Variants in ABCC1 observed in about 807,000 individuals in gnomAD.
ABCC1 encodes ATP binding cassette subfamily C member 1 (ABCC1 blood group).
In ABCC1, 83 loss-of-function variants were observed where a neutral mutation model predicts 172.9. That is an observed-to-expected ratio of 0.48 (90% CI 0.40 to 0.58). The LOEUF (loss-of-function observed/expected upper bound fraction) is 0.58, where lower values mean the gene tolerates loss of function less well. Ranked by LOEUF, ABCC1 falls within the 20% of genes least tolerant of loss-of-function variation. The pLI is 0.00. For missense variants in ABCC1, 1,817 were observed against 2,002.7 expected (o/e 0.91, Z 1.77); for synonymous variants, 937 against 825.2 (o/e 1.14, Z -2.32).
chr16:16,019,197 G>A (rs1346559945), intron 5 of ABCC1, among the ~76,000 whole-genome samples: 2 of 151,990 alleles, frequency 1.3e-5, no homozygotes, highest in South Asian at 2.1e-4. Flanking sequence ...CCCGCCTCCT[G>A]GGTTCAAGCG....
intron 26 of ABCC1, 133 bp from the exon 27 acceptor site, chr16:16,131,655 AG>A (rs915685931): frequency 3.2e-6 from 3 of 933,352 alleles, no homozygotes; most frequent in Non-Finnish European, 4.7e-6. Context: ...CATTCCAGGA[AG>A]GGCAACCCCC....
intron 7 of ABCC1, among the ~76,000 whole-genome samples, chr16:16,040,951 A>G (rs2048955384): frequency 6.6e-6 from 1 of 151,926 alleles, no homozygotes; most frequent in South Asian, 2.1e-4. Flanking sequence ...TTTTTGAGAC[A>G]GGGTGTCACT....
intron 21 of ABCC1, among the ~76,000 whole-genome samples, chr16:16,108,700 A>G (rs1404343482): frequency 4.0e-5 from 6 of 150,110 alleles, no homozygotes; most frequent in African/African-American, 1.5e-4. Context: ...GATTCAAGTG[A>G]TTCTCCCACC....
chr16:16,081,223 G>T (rs182357321), intron 16 of ABCC1, among the ~76,000 whole-genome samples: 13 of 152,294 alleles, frequency 8.5e-5, no homozygotes, highest in African/African-American at 3.1e-4. Context: ...ATTATACAGT[G>T]CCTTTAGAAA....
In ABCC1 at chr16:16,142,327, T is replaced by G. The variant is rs1314715273; in HGVS notation, c.*1046T>G. On this transcript the variant is annotated 3_prime_UTR_variant, in exon 31 of 31. Transcript: ENST00000399410. ...TTGGTTGCTTACAGTGTTGATTGATTTTGTTCTTTTTTCTTACCACCTCTT... is the reference window on the plus strand; with the variant it reads ...TTGGTTGCTTACAGTGTTGATTGATGTTGTTCTTTTTTCTTACCACCTCTT... 6.6e-6 allele frequency: 1 copy of G among 152,166 alleles called. No individual in the cohort carries two copies. The allele number at this position is 152,166 out of a possible 1,614,324, so 9.4% of individuals were successfully genotyped here.
Position 16,079,253 on chromosome 16 carries a change from C to G in ABCC1, c.1989-99C>G, listed in dbSNP as rs1418088017. The stretch of plus-strand genomic sequence containing the variant: ...GTACAGTCTTGCCTTCTGTCTTTCT[C>G]TTTCTCTACTTGGGGTAAATTGAGG... On this transcript the variant is annotated intron_variant, in intron 15 of 30. Transcript: ENST00000399410. 15 of 1,534,708 alleles carry G rather than the reference C, an allele frequency of 9.8e-6. No individual in the cohort carries two copies. In the East Asian group the frequency reaches 3.2e-4, roughly 32 times the overall value.
chr16:16,080,219 C>CT (rs1567380936), intron 16 of ABCC1, among the ~76,000 whole-genome samples: 1 of 151,982 alleles, frequency 6.6e-6, no homozygotes, highest in African/African-American at 2.4e-5. Context: ...CTGTTTGGGT[C>CT]TTTTTGGATT....
chr16:15,965,161 G>A (rs962528725), intron 1 of ABCC1, among the ~76,000 whole-genome samples: 1 of 152,096 alleles, frequency 6.6e-6, no homozygotes, highest in African/African-American at 2.4e-5. Context: ...ATTTTCCCAT[G>A]TACCCACGTA....
intron 1 of ABCC1, among the ~76,000 whole-genome samples, chr16:16,007,243 T>TGTGTGTGTGA (rs1305978468): frequency 1.3e-5 from 2 of 151,204 alleles, no homozygotes; most frequent in African/African-American, 4.9e-5. Flanking sequence ...TGTGTGTGTG[T>TGTGTGTGTGA]GAGAGACAGG....
At chr16:15,953,084 C>T (rs1048443667) in intron 1 of ABCC1, among the ~76,000 whole-genome samples, 5 of 151,840 alleles carry the variant, frequency 3.3e-5, no homozygotes, top group African/African-American at 9.7e-5. Flanking sequence ...GCCTGTAATC[C>T]CAGCACTTTG....
chr16:16,029,618 C>T (rs189597567), intron 5 of ABCC1, among the ~76,000 whole-genome samples: 20 of 152,286 alleles, frequency 1.3e-4, no homozygotes, highest in Non-Finnish European at 2.5e-4. Flanking sequence ...CTTTTTATTT[C>T]GCAATAGTTT....
chr16:16,111,737 A>ATC (rs1188327446), intron 22 of ABCC1, among the ~76,000 whole-genome samples, 155 bp downstream of exon 22: 6 of 152,226 alleles, frequency 3.9e-5, no homozygotes, highest in Admixed American at 2.6e-4. Flanking sequence ...AGACACTCAG[A>ATC]TATTTGTAGA....
intron 1 of ABCC1, among the ~76,000 whole-genome samples, chr16:15,990,149 G>T (rs538917544): frequency 7.0e-4 from 107 of 152,218 alleles, no homozygotes; most frequent in African/African-American, 2.5e-3. Flanking sequence ...CTGTCTTTCA[G>T]GTTCAAGTGA....
chr16:15,962,387 CAG>C (rs752300654), intron 1 of ABCC1, among the ~76,000 whole-genome samples: 8 of 152,262 alleles, frequency 5.3e-5, no homozygotes, highest in South Asian at 2.1e-4. Context: ...AATTTAATTG[CAG>C]AGTTTTCTGA....
chr16:16,135,913 C>G (rs1165470765), intron 28 of ABCC1, among the ~76,000 whole-genome samples: 1 of 152,114 alleles, frequency 6.6e-6, no homozygotes, highest in African/African-American at 2.4e-5. Flanking sequence ...TGTGCTGCGT[C>G]TCATTTCTGG....
At chr16:16,115,160 C>A in intron 23 of ABCC1, 84 bp downstream of exon 23, 1 of 1,423,452 alleles carries the variant, frequency 7.0e-7, no homozygotes, top group Non-Finnish European at 9.6e-7. Context: ...TTTATCTTAC[C>A]ATGTCCCCAG....
chr16:16,025,211 T>C (rs1175891427), intron 5 of ABCC1, among the ~76,000 whole-genome samples: 4 of 152,096 alleles, frequency 2.6e-5, no homozygotes, highest in Non-Finnish European at 1.5e-5. Flanking sequence ...ATAATAAGGA[T>C]AACAGCTGGG....
chr16:16,021,644 GA>G (rs1476407579), intron 5 of ABCC1, among the ~76,000 whole-genome samples: 1 of 152,202 alleles, frequency 6.6e-6, no homozygotes, highest in Non-Finnish European at 1.5e-5. Context: ...TTGTGCCCGG[GA>G]GGCGGAGGTT....
intron 4 of ABCC1, among the ~76,000 whole-genome samples, chr16:16,015,271 C>G (rs1186427195): frequency 6.6e-6 from 1 of 152,090 alleles, no homozygotes; most frequent in Non-Finnish European, 1.5e-5. Context: ...TCCCCAGTAG[C>G]TGGGACCACA....
Sources: allele counts gnomAD v4.1 joint callset (sites outside exome capture counted in the v4.1 genomes callset), GRCh38; gene constraint gnomAD v4.1.1; transcripts MANE v1.5; gene names NCBI Gene and HGNC (gene_info 2026-07-23, HGNC 2026-07-21).